Variants in ITPR2 observed in about 807,000 individuals in gnomAD.
ITPR2 encodes the protein inositol 1,4,5-trisphosphate-gated calcium channel ITPR2.
ITPR2 carries 207 observed loss-of-function variants against 317.1 expected under a neutral mutation model. That is an observed-to-expected ratio of 0.65 (90% CI 0.58 to 0.73). The LOEUF (loss-of-function observed/expected upper bound fraction) is 0.73, where lower values mean the gene tolerates loss of function less well. ITPR2 is among the 30% of genes least tolerant of loss of function. ITPR2 has a pLI of 0.00. For missense variants in ITPR2, 2,613 were observed against 3,284.0 expected (o/e 0.80, Z 4.99); for synonymous variants, 1,156 against 1,149.1 (o/e 1.01, Z -0.12).
At chr12:26,616,436 C>T (rs180751972) in intron 26 of ITPR2, among the ~76,000 whole-genome samples, 320 of 151,994 alleles carry the variant, frequency 2.1e-3, no homozygotes, top group African/African-American at 7.3e-3. Context: ...CGTGCCCGGC[C>T]GCATGTGGAA....
intron 55 of ITPR2, among the ~76,000 whole-genome samples, chr12:26,369,493 G>T (rs1029304105): frequency 6.6e-6 from 1 of 152,144 alleles, no homozygotes; most frequent in East Asian, 1.9e-4. Flanking sequence ...TGTACATCGT[G>T]TATAAGAGGG....
intron 37 of ITPR2, among the ~76,000 whole-genome samples, chr12:26,544,313 A>G (rs1944336026): frequency 6.6e-6 from 1 of 152,220 alleles, no homozygotes; most frequent in Non-Finnish European, 1.5e-5. Flanking sequence ...TAATTAATTT[A>G]GAAATTGTAC....
chr12:26,531,156 A>G lies in ITPR2; in HGVS notation c.5073+19091T>C, dbSNP rs79177749. On this transcript the variant is annotated intron_variant, in intron 37 of 56. Coordinates refer to ENST00000381340, the MANE Select transcript of ITPR2 (RefSeq NM_002223.4). ...CTGTGTCTGGTTCCCTTGGATTACC[A>G]TAAATATTCATTGGGCTTTCCTAAT... Among the ~76,000 whole-genome samples the G allele has an allele frequency of 5.5e-3, 840 of 152,344 alleles. 9 individuals are homozygous for G. Among genetic ancestry groups the G allele is most frequent in the African/African-American group, 0.019 (798 of 41,590 alleles).
intron 55 of ITPR2, among the ~76,000 whole-genome samples, chr12:26,341,630 C>G (rs550480427): frequency 6.6e-6 from 1 of 152,348 alleles, no homozygotes; most frequent in South Asian, 2.1e-4. Flanking sequence ...ATTTAAACAG[C>G]TGTAGCTAAT....
chr12:26,621,846 C>T (rs2136806212), intron 25 of ITPR2, among the ~76,000 whole-genome samples: 1 of 152,214 alleles, frequency 6.6e-6, no homozygotes, highest in South Asian at 2.1e-4. Flanking sequence ...AGATCCATAA[C>T]AGTTCGTTTT....
intron 1 of ITPR2, among the ~76,000 whole-genome samples, chr12:26,825,102 G>A (rs866550631): frequency 2.0e-5 from 3 of 152,044 alleles, no homozygotes; most frequent in Admixed American, 6.6e-5. Context: ...ATGTGGTGGC[G>A]CACACCTGCA....
chr12:26,662,063 G>T (rs931147727), intron 15 of ITPR2, among the ~76,000 whole-genome samples: 26 of 152,106 alleles, frequency 1.7e-4, no homozygotes, highest in Non-Finnish European at 3.8e-4. Flanking sequence ...ATCACCCCTA[G>T]CTCTTACTCC....
intron 9 of ITPR2, among the ~76,000 whole-genome samples, chr12:26,700,959 T>G (rs1411785343): frequency 6.6e-6 from 1 of 152,210 alleles, no homozygotes; most frequent in South Asian, 2.1e-4. Context: ...AGGAAACAAT[T>G]AAATTTTAGA....
At chr12:26,738,525 A>G (rs1300889798) in intron 2 of ITPR2, among the ~76,000 whole-genome samples, 15 of 152,130 alleles carry the variant, frequency 9.9e-5, no homozygotes, top group Admixed American at 9.8e-4. Context: ...TTTATTCTCC[A>G]TAACTGTAAA....
At chr12:26,443,444 T>A (rs1429573874) in intron 46 of ITPR2, 99 bp downstream of exon 46, 14 of 880,638 alleles carry the variant, frequency 1.6e-5, no homozygotes, top group Non-Finnish European at 2.5e-5. Context: ...CACTCACTTC[T>A]GCATCATTGC....
At chr12:26,544,235 G>GT (rs1158339857) in intron 37 of ITPR2, among the ~76,000 whole-genome samples, 2 of 151,838 alleles carry the variant, frequency 1.3e-5, no homozygotes, top group Non-Finnish European at 2.9e-5. Flanking sequence ...TTGCCCACCC[G>GT]TATCTTATTT....
At chr12:26,751,035 G>C (rs1387310342) in intron 2 of ITPR2, among the ~76,000 whole-genome samples, 2 of 152,144 alleles carry the variant, frequency 1.3e-5, no homozygotes, top group Non-Finnish European at 2.9e-5. Context: ...GACCAGGGCA[G>C]GGGGTTCAAA....
intron 45 of ITPR2, among the ~76,000 whole-genome samples, chr12:26,473,944 T>C (rs1942352761): frequency 6.6e-6 from 1 of 152,210 alleles, no homozygotes; most frequent in African/African-American, 2.4e-5. Flanking sequence ...CCTCTTTCTG[T>C]TCTACATAGG....
Position 26,387,584 on chromosome 12 carries a change from T to C in ITPR2, c.7707A>G (p.Arg2569=), listed in dbSNP as rs369898491. The C allele has an allele frequency of 1.9e-6, 3 of 1,613,398 alleles. No individual in the cohort carries two copies. The highest frequency in any genetic ancestry group is 2.5e-6 in the Non-Finnish European group (3 of 1,179,650). Residue 2569 remains arginine (R), a synonymous_variant, in exon 55 of 57, where the codon AGA becomes AGG. Transcript: ENST00000381340. ...AAACCGTTTTATTATCAAACTTGTC[T>C]CTCTCAAGTCCTGAAAAACACAGGC... ...KTTCFICGLE[R]DKFDNKTVSF...
Position 26,722,494 on chromosome 12 carries a change from T to A in ITPR2, c.428A>T (p.Glu143Val). Residue 143 changes from glutamate to valine, a missense_variant, in exon 5 of 57, where the codon GAG becomes GTG. Physicochemically the swap from Glu to Val is moderately radical, Grantham distance 121. Coordinates refer to ENST00000381340, the MANE Select transcript of ITPR2 (RefSeq NM_002223.4). Reference sequence around the variant, plus strand: ...CAAGGACACACGCATGGCATTCTTCTCCAGTAAAGCAGGTAATCTCTTGTT... The same window carrying A: ...CAAGGACACACGCATGGCATTCTTCACCAGTAAAGCAGGTAATCTCTTGTT... Reference protein sequence around the residue: ...TVNKRLPALLEKNAMRVSLDA... With the variant: ...TVNKRLPALLVKNAMRVSLDA... The A allele has an allele frequency of 6.2e-7, 1 of 1,613,248 alleles. No individual in the cohort carries two copies.
At chr12:26,359,196 G>A (rs1389283542) in intron 55 of ITPR2, among the ~76,000 whole-genome samples, 1 of 152,152 alleles carries the variant, frequency 6.6e-6, no homozygotes, top group African/African-American at 2.4e-5. Flanking sequence ...GAAATACAGA[G>A]GTCAAAATGG....
At chr12:26,474,589 C>G (rs890488861) in intron 45 of ITPR2, among the ~76,000 whole-genome samples, 1 of 151,670 alleles carries the variant, frequency 6.6e-6, no homozygotes, top group Non-Finnish European at 1.5e-5. Flanking sequence ...GTCAGGAGAT[C>G]GAGACCATCC....
At chr12:26,440,016 T>C (rs1034209604) in intron 46 of ITPR2, among the ~76,000 whole-genome samples, 1 of 152,224 alleles carries the variant, frequency 6.6e-6, no homozygotes, top group Non-Finnish European at 1.5e-5. Context: ...TTCATATTTA[T>C]GTACAGTGCC....
At position 26,433,564 on chromosome 12, in the gene ITPR2, T is replaced by C. The variant is rs144385225; in HGVS notation, c.6769+2657A>G. Among the ~76,000 whole-genome samples the C allele has an allele frequency of 4.1e-3, 632 of 152,300 alleles. 2 individuals carry two copies. The highest frequency in any genetic ancestry group is 6.5e-3 in the Non-Finnish European group (441 of 68,024). On this transcript the variant is annotated intron_variant, in intron 48 of 56. Coordinates refer to ENST00000381340, the MANE Select transcript of ITPR2 (RefSeq NM_002223.4). ...AGTTCTTCATGGTGATTTCAATTCC[T>C]TCAACTTAACTGTTGATGGAGTGCC...
Sources: gnomAD v4.1 joint callset for allele counts (sites outside exome capture counted in the v4.1 genomes callset) on GRCh38, gnomAD v4.1.1 for gene constraint, MANE v1.5 for transcripts, NCBI Gene and HGNC (gene_info 2026-07-23, HGNC 2026-07-21) for gene names.